The following TNIP3 variants were observed in gnomAD, a reference collection of about 807,000 sequenced individuals.
TNIP3 encodes TNFAIP3-interacting protein 3.
A neutral mutation model predicts 54.1 loss-of-function variants in TNIP3; 34 were observed. The ratio of observed to expected loss-of-function variants is 0.63; its 90% CI spans 0.48 to 0.84. The LOEUF (loss-of-function observed/expected upper bound fraction) is 0.84, where lower values mean the gene tolerates loss of function less well. Among genes scored for constraint, TNIP3 ranks in the 40% least tolerant of loss-of-function variants. TNIP3 has a pLI of 0.00. For synonymous variants in TNIP3, 134 were observed against 136.8 expected, an observed-to-expected ratio of 0.98 and a Z score of 0.14; for missense variants, 366 against 387.6, an observed-to-expected ratio of 0.94 and a Z score of 0.47.
chr4:121,144,077 G>A (rs1039731872), intron 7 of TNIP3, among the ~76,000 whole-genome samples: 1 of 152,158 alleles, frequency 6.6e-6, no homozygotes, highest in Non-Finnish European at 1.5e-5. Flanking sequence ...TATTGATTTG[G>A]GGATGACAAA....
intron 2 of TNIP3, among the ~76,000 whole-genome samples, chr4:121,190,398 A>G (rs1183182454): frequency 6.6e-6 from 1 of 152,178 alleles, no homozygotes; most frequent in Non-Finnish European, 1.5e-5. Context: ...TTGACAAGAG[A>G]GTAAATTGAC....
intron 7 of TNIP3, among the ~76,000 whole-genome samples, chr4:121,145,649 TA>T (rs1432692725): frequency 6.7e-6 from 1 of 149,630 alleles, no homozygotes; most frequent in African/African-American, 2.4e-5. Flanking sequence ...CATATAAAAA[TA>T]AATTATTAAA....
chr4:121,153,788 A>G (rs898510531), intron 5 of TNIP3, among the ~76,000 whole-genome samples: 2 of 152,174 alleles, frequency 1.3e-5, no homozygotes, highest in Non-Finnish European at 2.9e-5. Flanking sequence ...TTCAAGTCCA[A>G]TCACCTACTC....
intron 2 of TNIP3, among the ~76,000 whole-genome samples, chr4:121,199,048 C>T (rs991041686): frequency 1.3e-5 from 2 of 152,094 alleles, no homozygotes; most frequent in Non-Finnish European, 2.9e-5. Context: ...TAGTGAAATC[C>T]TAAAACCAAC....
At chr4:121,198,464 A>G (rs1348688081) in intron 2 of TNIP3, among the ~76,000 whole-genome samples, 1 of 152,224 alleles carries the variant, frequency 6.6e-6, no homozygotes, top group East Asian at 1.9e-4. Context: ...ACTAGATTTT[A>G]TCATTCATTT....
At chr4:121,168,292 C>T (rs542111821), upstream of TNIP3, among the ~76,000 whole-genome samples, 22 of 152,036 alleles carry the variant, frequency 1.4e-4, no homozygotes, top group South Asian at 2.1e-4. Context: ...CTGCAACCTC[C>T]GCCTCGTGGG....
intron 1 of TNIP3, 81 bp downstream of exon 1, chr4:121,163,979 A>G (rs1332299908): frequency 1.3e-6 from 2 of 1,509,814 alleles, no homozygotes; most frequent in Non-Finnish European, 9.0e-7. Flanking sequence ...TTCTGTTCTT[A>G]TTAATAAGTG....
At chr4:121,142,824 T>C (rs2148798485) in intron 7 of TNIP3, 48 bp from the exon 8 acceptor site, 2 of 1,538,264 alleles carry the variant, frequency 1.3e-6, no homozygotes, top group South Asian at 2.3e-5. Flanking sequence ...GTTAAAATCA[T>C]TAATTCCCAA....
chr4:121,222,443 T>C (rs914191553), intron 1 of TNIP3, among the ~76,000 whole-genome samples: 2 of 152,206 alleles, frequency 1.3e-5, no homozygotes, highest in African/African-American at 4.8e-5. Context: ...TAACAGACTA[T>C]ATGTCTTTGG....
chr4:121,152,617 C>T (rs1458057060), intron 5 of TNIP3, among the ~76,000 whole-genome samples: 1 of 152,120 alleles, frequency 6.6e-6, no homozygotes, highest in Non-Finnish European at 1.5e-5. Flanking sequence ...AAGTCCTGTT[C>T]TAAGTATTCA....
intron 2 of TNIP3, among the ~76,000 whole-genome samples, chr4:121,213,213 G>T (rs1336375310): frequency 6.6e-6 from 1 of 152,114 alleles, no homozygotes; most frequent in Non-Finnish European, 1.5e-5. Context: ...TTACCAGAAG[G>T]CATGAAAAAC....
upstream of TNIP3, among the ~76,000 whole-genome samples, chr4:121,167,007 G>T (rs1441279926): frequency 6.6e-6 from 1 of 152,056 alleles, no homozygotes; most frequent in African/African-American, 2.4e-5. Context: ...TATACAATGG[G>T]ATAGTAATAG....
At chr4:121,170,428 AC>A (rs1731003316) in intron 3 of TNIP3, among the ~76,000 whole-genome samples, 1 of 152,184 alleles carries the variant, frequency 6.6e-6, no homozygotes, top group Non-Finnish European at 1.5e-5. Flanking sequence ...TTGCCTCCAA[AC>A]CAGAAATGAT....
intron 1 of TNIP3, among the ~76,000 whole-genome samples, chr4:121,222,384 G>A (rs1727066183): frequency 6.6e-6 from 1 of 152,184 alleles, no homozygotes; most frequent in South Asian, 2.1e-4. Context: ...TTGGAAGGAT[G>A]ATTGGGTTTA....
intron 9 of TNIP3, among the ~76,000 whole-genome samples, chr4:121,139,854 T>C (rs1362454722): frequency 6.6e-6 from 1 of 152,254 alleles, no homozygotes; most frequent in Admixed American, 6.5e-5. Flanking sequence ...CTCAGTTTTA[T>C]ATTCCAGGAG....
intron 4 of TNIP3, among the ~76,000 whole-genome samples, chr4:121,156,669 A>T (rs1560652686): frequency 6.6e-6 from 1 of 152,194 alleles, no homozygotes; most frequent in Non-Finnish European, 1.5e-5. Flanking sequence ...ATCTCTCTGT[A>T]AGCTTGAAAA....
chr4:121,146,568 G>T (rs1231797469), intron 7 of TNIP3, among the ~76,000 whole-genome samples: 2 of 151,928 alleles, frequency 1.3e-5, no homozygotes, highest in East Asian at 3.8e-4. Flanking sequence ...CCATTATCTG[G>T]CTTCCTTCAA....
At chr4:121,142,969 A>G (rs1007947094) in intron 7 of TNIP3, among the ~76,000 whole-genome samples, 193 bp from the exon 8 acceptor site, 2 of 152,216 alleles carry the variant, frequency 1.3e-5, no homozygotes, top group Non-Finnish European at 2.9e-5. Context: ...ATAGTTTTAA[A>G]TTGCTATTCC....
chr4:121,221,480 C>T (rs1350866050), upstream of TNIP3, among the ~76,000 whole-genome samples: 5 of 152,114 alleles, frequency 3.3e-5, no homozygotes, highest in Non-Finnish European at 7.4e-5. Context: ...CAAAATGAGG[C>T]AAATGCTCAA....
Sources: allele counts gnomAD v4.1 joint callset (sites outside exome capture counted in the v4.1 genomes callset), GRCh38; gene constraint gnomAD v4.1.1; transcripts MANE v1.5; gene names NCBI Gene and HGNC (gene_info 2026-07-23, HGNC 2026-07-21).